Variants in PLXNA4 observed in about 807,000 individuals in gnomAD.
The protein encoded by PLXNA4 is plexin A4.
A neutral mutation model predicts 191.8 loss-of-function variants in PLXNA4; 44 were observed. That is an observed-to-expected ratio of 0.23 (90% confidence interval 0.18 to 0.29). PLXNA4 has a LOEUF of 0.29. Among genes scored for constraint, PLXNA4 ranks in the 10% least tolerant of loss-of-function variants. The pLI, the probability that PLXNA4 is intolerant of heterozygous loss-of-function variation, is 1.00. For missense variants in PLXNA4, 1,800 were observed against 2,488.8 expected (o/e 0.72, Z 5.89); for synonymous variants, 1,082 against 1,009.5 (o/e 1.07, Z -1.36).
At chr7:132,503,568 G>A (rs184583672) in intron 2 of PLXNA4, among the ~76,000 whole-genome samples, 50 of 152,262 alleles carry the variant, frequency 3.3e-4, no homozygotes, top group Middle Eastern at 3.4e-3. Context: ...ACATGACAGA[G>A]GCCACAGGTG....
rs200696834 is a variant in PLXNA4 at position 132,326,597 on chromosome 7, C to T, written c.1372-28375G>A. Among the ~76,000 whole-genome samples, 31 of 152,270 alleles carry T rather than the reference C, an allele frequency of 2.0e-4. No individual in the cohort carries two copies. In the East Asian group the frequency reaches 4.9e-3, roughly 24 times the overall value. ...TGCTCTGCCCGCTTGGATGCTCTCT[C>T]GGAGAACCTCACAAGGCTGGCCCTC... On this transcript the variant is annotated intron_variant, in intron 3 of 31. Coordinates refer to ENST00000321063, the MANE Select transcript of PLXNA4 (RefSeq NM_020911.2).
intron 14 of PLXNA4, among the ~76,000 whole-genome samples, chr7:132,193,624 CTAT>C (rs1367916487): frequency 3.9e-5 from 6 of 152,286 alleles, no homozygotes; most frequent in African/African-American, 1.4e-4. Context: ...GGGGTTGATA[CTAT>C]TATTATCCTC....
chr7:132,596,310 A>C (rs1585394265), intron 2 of PLXNA4, among the ~76,000 whole-genome samples: 1 of 152,348 alleles, frequency 6.6e-6, no homozygotes, highest in Admixed American at 6.5e-5. Flanking sequence ...AGAGAGAAGC[A>C]GGGCTGGATG....
At chr7:132,468,579 G>A (rs1480995467) in intron 3 of PLXNA4, among the ~76,000 whole-genome samples, 2 of 152,174 alleles carry the variant, frequency 1.3e-5, no homozygotes, top group African/African-American at 2.4e-5. Flanking sequence ...ACACTGCTCT[G>A]TGGCCCTCTC....
intron 2 of PLXNA4, among the ~76,000 whole-genome samples, chr7:132,621,959 CTT>C: frequency 6.6e-6 from 1 of 152,236 alleles, no homozygotes; most frequent in Middle Eastern, 3.4e-3. Flanking sequence ...AAATAGGAGA[CTT>C]TACCTAAGTA....
At chr7:132,228,197 CT>C (rs774252126) in intron 6 of PLXNA4, 148 bp downstream of exon 6, 2 of 1,016,232 alleles carry the variant, frequency 2.0e-6, no homozygotes, top group Non-Finnish European at 2.8e-6. Context: ...ACACTTAATT[CT>C]TTGATATCCT....
At chr7:132,170,021 A>G (rs1796237966) in intron 21 of PLXNA4, among the ~76,000 whole-genome samples, 2 of 151,952 alleles carry the variant, frequency 1.3e-5, no homozygotes, top group South Asian at 4.2e-4. Flanking sequence ...TGTCTCCCCA[A>G]GGGGGTGGAT....
At chr7:132,428,969 A>G (rs942281052) in intron 3 of PLXNA4, among the ~76,000 whole-genome samples, 6 of 152,136 alleles carry the variant, frequency 3.9e-5, no homozygotes, top group African/African-American at 1.4e-4. Flanking sequence ...ACCCTGAAGG[A>G]GAGTGGGAAG....
At position 132,131,093 on chromosome 7, in the gene PLXNA4, T is replaced by C. The variant is rs1794913613; in HGVS notation, c.5590-519A>G. On this transcript the variant is annotated intron_variant, in intron 31 of 31. Coordinates refer to ENST00000321063, the MANE Select transcript of PLXNA4 (RefSeq NM_020911.2). The stretch of plus-strand genomic sequence containing the variant: ...AAGTCATTTGTTTTCACTTTGCCTG[T>C]TAAAAAACAAATGTCCCTAGAAGAG... 2.6e-5 allele frequency among the ~76,000 whole-genome samples: 4 copies of C among 152,242 alleles called. No homozygotes were observed. In the South Asian group the frequency reaches 8.3e-4, roughly 32 times the overall value.
chr7:132,288,069 G>T (rs575325542), intron 4 of PLXNA4, among the ~76,000 whole-genome samples: 1 of 152,126 alleles, frequency 6.6e-6, no homozygotes, highest in East Asian at 1.9e-4. Context: ...CCCATTCCTC[G>T]TTGGAGGAGG....
chr7:132,442,817 G>A (rs1340512791), intron 3 of PLXNA4, among the ~76,000 whole-genome samples: 2 of 152,184 alleles, frequency 1.3e-5, no homozygotes, highest in Non-Finnish European at 1.5e-5. Flanking sequence ...CTGTCTCTGC[G>A]ATTTACCTTG....
intron 2 of PLXNA4, among the ~76,000 whole-genome samples, chr7:132,594,509 G>A (rs766778836): frequency 2.6e-4 from 39 of 152,202 alleles, no homozygotes; most frequent in African/African-American, 8.7e-4. Context: ...TATAAGGTGA[G>A]CAAGTTGGAC....
intron 24 of PLXNA4, among the ~76,000 whole-genome samples, chr7:132,160,448 T>G (rs1010841418): frequency 6.6e-6 from 1 of 152,174 alleles, no homozygotes; most frequent in Admixed American, 6.5e-5. Flanking sequence ...TTCTGGGCTT[T>G]TCCTTTAAAA....
intron 4 of PLXNA4, among the ~76,000 whole-genome samples, chr7:132,253,377 A>G (rs1799324193): frequency 6.6e-6 from 1 of 151,868 alleles, no homozygotes; most frequent in Non-Finnish European, 1.5e-5. Flanking sequence ...CTGAGACTAC[A>G]GACACACACC....
In PLXNA4 at chr7:132,127,833, T is replaced by A. The variant is rs1428436512; in HGVS notation, c.*2646A>T. 1 of 150,162 alleles carries A rather than the reference T, an allele frequency of 6.7e-6. No individual in the cohort carries two copies. Among genetic ancestry groups the A allele is most frequent in the Non-Finnish European group, 1.5e-5 (1 of 67,018 alleles). 9.3% of individuals were successfully genotyped at this position (150,162 alleles called of 1,614,324 possible). A position where few individuals can be genotyped will look rare whatever the true frequency, so the allele number is the denominator to read the frequency against. On this transcript the variant is annotated 3_prime_UTR_variant, in exon 32 of 32. Transcript: ENST00000321063. ...CTATTTCTCTGAGGTGTTTGAAATT[T>A]TTCTTATAACAAAAACATGGAATAA...
intron 25 of PLXNA4, among the ~76,000 whole-genome samples, chr7:132,154,315 A>G (rs181714918): frequency 3.3e-5 from 5 of 152,146 alleles, no homozygotes; most frequent in Admixed American, 3.3e-4. Flanking sequence ...CAGGCACCGG[A>G]GAAGAGCTGG....
At chr7:132,182,729 A>G (rs1219296832) in intron 16 of PLXNA4, among the ~76,000 whole-genome samples, 1 of 152,200 alleles carries the variant, frequency 6.6e-6, no homozygotes, top group Non-Finnish European at 1.5e-5. Context: ...CAGAGGGTCC[A>G]TGAATGCAAA....
chr7:132,540,635 C>T (rs904612066), intron 1 of PLXNA4, among the ~76,000 whole-genome samples: 24 of 126,374 alleles, frequency 1.9e-4, no homozygotes, highest in Non-Finnish European at 2.5e-4. Flanking sequence ...GGCCGGACTG[C>T]GGACTGCAGT....
At chr7:132,623,204 GGCGT>G (rs1206878553) in intron 2 of PLXNA4, among the ~76,000 whole-genome samples, 7 of 151,976 alleles carry the variant, frequency 4.6e-5, no homozygotes, top group African/African-American at 1.7e-4. Context: ...AAATTAGCCG[GGCGT>G]GGCAGCACGT....
Sources: gnomAD v4.1 joint callset for allele counts (sites outside exome capture counted in the v4.1 genomes callset) on GRCh38, gnomAD v4.1.1 for gene constraint, MANE v1.5 for transcripts, NCBI Gene and HGNC (gene_info 2026-07-23, HGNC 2026-07-21) for gene names.